PALM: variants seen among roughly 807,000 people sequenced by gnomAD.
The protein encoded by PALM is paralemmin, also known as paralemmin-1.
In PALM, 18 loss-of-function variants were observed where a neutral mutation model predicts 30.7. The observed-to-expected ratio is 0.59, with a 90% CI of 0.41 to 0.87. PALM has a LOEUF of 0.87. Ranked by LOEUF, PALM falls within the 40% of genes least tolerant of loss-of-function variation. The probability of loss-of-function intolerance (pLI) is 0.00; values close to 1 mark genes in which losing one functional copy is unlikely to be tolerated. For missense variants in PALM, 529 were observed against 555.4 expected, an observed-to-expected ratio of 0.95 and a Z score of 0.48; for synonymous variants, 286 against 242.8, an observed-to-expected ratio of 1.18 and a Z score of -1.66.
intron 1 of PALM, among the ~76,000 whole-genome samples, chr19:723,343 G>A (rs151043454): frequency 1.6e-4 from 24 of 152,086 alleles, no homozygotes. Flanking sequence ...TCTCTGGGAA[G>A]ATAAGATGTT....
intron 4 of PALM, among the ~76,000 whole-genome samples, chr19:728,706 G>A (rs1244758162): frequency 6.6e-6 from 1 of 152,090 alleles, no homozygotes; most frequent in Non-Finnish European, 1.5e-5. Context: ...CTACTCCGGA[G>A]GCTGAGGCAG....
chr19:727,535 C>T (rs780101885), intron 3 of PALM, 29 bp from the exon 4 acceptor site: 25 of 1,559,330 alleles, frequency 1.6e-5, no homozygotes, highest in Admixed American at 7.5e-5. Context: ...GTCCTGCCCA[C>T]GACTCTGACC....
intron 1 of PALM, among the ~76,000 whole-genome samples, chr19:721,932 T>TTTTTGAGAC (rs2032496212): frequency 6.7e-6 from 1 of 150,080 alleles, no homozygotes; most frequent in South Asian, 2.1e-4. Context: ...TAATATATAT[T>TTTTTGAGAC]TTTTGAGACG....
Position 742,547 on chromosome 19 carries a change from G to A in PALM, c.634+2064G>A, listed in dbSNP as rs532670395. On this transcript the variant is annotated intron_variant, in intron 8 of 8. Coordinates refer to ENST00000338448, the MANE Select transcript of PALM (RefSeq NM_002579.3). This position sits in a 1 kb window ranked among gnomAD's most constrained non-coding sequence, Gnocchi z 5.5. ...TTGAACCCAGGAGGCGGAGGTTGCA[G>A]TGAGCCGAGATCGCGCCACTGCTCT... 4.5e-4 allele frequency among the ~76,000 whole-genome samples: 69 copies of A among 152,092 alleles called. No homozygotes were observed. In the Middle Eastern group the frequency reaches 0.01, roughly 22 times the overall value.
At chr19:725,735 G>A (rs1417772474) in intron 1 of PALM, among the ~76,000 whole-genome samples, 1 of 152,118 alleles carries the variant, frequency 6.6e-6, no homozygotes. Context: ...TCCTGGGGCT[G>A]CAGAGTAGGT....
At position 711,163 on chromosome 19, in the gene PALM, T is replaced by C. The variant is rs2144838022; in HGVS notation, c.5+2012T>C. On this transcript the variant is annotated intron_variant, in intron 1 of 8. Coordinates refer to ENST00000338448, the MANE Select transcript of PALM (RefSeq NM_002579.3). ...GTTAATGTGAGGATTTAAGGAGAAC[T>C]AGCGGGTTGCTAACCACAGGGCCGA... is the stretch of plus-strand genomic sequence containing the variant. The C allele has an allele frequency of 4.1e-6, 4 of 980,084 alleles. No homozygotes were observed. The South Asian group carries it at 1.4e-4, about 35-fold the overall frequency. 60.7% of individuals were successfully genotyped at this position (980,084 alleles called of 1,614,324 possible). A position where few individuals can be genotyped will look rare whatever the true frequency, so the allele number is the denominator to read the frequency against.
intron 4 of PALM, among the ~76,000 whole-genome samples, chr19:730,299 A>T (rs2032830938): frequency 6.6e-6 from 1 of 151,834 alleles, no homozygotes; most frequent in Non-Finnish European, 1.5e-5. Context: ...AGACTTACGC[A>T]CTCAGCCCTC....
intron 6 of PALM, 67 bp from the exon 7 acceptor site, chr19:735,952 G>C (rs1489282493): frequency 2.2e-6 from 3 of 1,383,314 alleles, no homozygotes; most frequent in Non-Finnish European, 3.0e-6. Flanking sequence ...GCGTTGGGCT[G>C]TCTGGGGGGT....
At chr19:720,308 C>T (rs1406630539) in intron 1 of PALM, among the ~76,000 whole-genome samples, 2 of 150,956 alleles carry the variant, frequency 1.3e-5, no homozygotes, top group Admixed American at 6.6e-5. Context: ...CGGCGGCGCC[C>T]GGGTCTGGGG....
chr19:740,531 C>A, intron 8 of PALM, 48 bp downstream of exon 8: 1 of 1,511,902 alleles, frequency 6.6e-7, no homozygotes, highest in South Asian at 1.2e-5. Context: ...GCCAGAGCCC[C>A]GAACACGTGT....
intron 6 of PALM, chr19:734,857 CG>C (rs1188952882): frequency 6.2e-6 from 1 of 160,236 alleles, no homozygotes. Flanking sequence ...GGAACGTGTC[CG>C]CTTCTGTATC....
At chr19:723,892 G>C (rs1452744900) in intron 1 of PALM, among the ~76,000 whole-genome samples, 3 of 152,070 alleles carry the variant, frequency 2.0e-5, no homozygotes. Context: ...CACCGCGCCC[G>C]GCCTGCTTTT....
At chr19:735,994 C>G in intron 6 of PALM, 25 bp from the exon 7 acceptor site, 1 of 1,600,200 alleles carries the variant, frequency 6.2e-7, no homozygotes, top group Non-Finnish European at 8.5e-7. Flanking sequence ...CCTCATCTCT[C>G]TCTCCGCTTC....
At chr19:745,324 C>G (rs1010063759) in intron 8 of PALM, among the ~76,000 whole-genome samples, 3 of 152,230 alleles carry the variant, frequency 2.0e-5, no homozygotes, top group Non-Finnish European at 4.4e-5. Context: ...TTTGAACTTT[C>G]ATTTTTGCTA....
rs1372116073 is a variant in PALM, at chr19:709,919, G to GT, written c.5+768_5+769insT. Among the ~76,000 whole-genome samples, 3 of 152,156 alleles carry GT rather than the reference G, an allele frequency of 2.0e-5. No individual in the cohort carries two copies. Among genetic ancestry groups the GT allele is most frequent in the Non-Finnish European group, 2.9e-5 (2 of 67,996 alleles). On this transcript the variant is annotated intron_variant, in intron 1 of 8. Transcript: ENST00000338448. This position sits in a 1 kb window ranked among gnomAD's most constrained non-coding sequence, Gnocchi z 4.3. ...GGCTGCGCCTGTGTGTGTGGGGGGG[G>GT]GGTGGCCAGTGGAGGCACCGAGCGA...
Position 725,081 on chromosome 19 carries a change from C to T in PALM, c.6-1057C>T, listed in dbSNP as rs546080801. 3.3e-4 allele frequency among the ~76,000 whole-genome samples: 50 copies of T among 151,894 alleles called. No homozygotes were observed. In the South Asian group the frequency reaches 9.2e-3, roughly 28 times the overall value. Reference sequence around the variant, plus strand: ...AGCAATTCTCGTGCCTCAGCCTCCACGCCCAGCTAATTTTTGTATTTCTTG... The same window carrying T: ...AGCAATTCTCGTGCCTCAGCCTCCATGCCCAGCTAATTTTTGTATTTCTTG... On this transcript the variant is annotated intron_variant, in intron 1 of 8. Transcript: ENST00000338448.
intron 1 of PALM, among the ~76,000 whole-genome samples, chr19:723,464 G>A (rs905327701): frequency 2.6e-5 from 4 of 152,036 alleles, no homozygotes; most frequent in African/African-American, 4.8e-5. Flanking sequence ...GACACCCACC[G>A]CCAACCCCTA....
rs925846698 is a variant in PALM at position 709,916 on chromosome 19, G to C, written c.5+765G>C. On this transcript the variant is annotated intron_variant, in intron 1 of 8. Coordinates refer to ENST00000338448, the MANE Select transcript of PALM (RefSeq NM_002579.3). This position sits in a 1 kb window ranked among gnomAD's most constrained non-coding sequence, Gnocchi z 4.3. ...CATGGCTGCGCCTGTGTGTGTGGGG[G>C]GGGGGTGGCCAGTGGAGGCACCGAG... Among the ~76,000 whole-genome samples the C allele has an allele frequency of 1.3e-5, 2 of 152,166 alleles. No homozygotes were observed. The highest frequency in any genetic ancestry group is 1.3e-4 in the Admixed American group (2 of 15,286).
rs1309687409 is a variant in PALM, at chr19:742,732, C to T, written c.634+2249C>T. ...ATCGGCACTGTGGCCTGGGTCGGAG[C>T]CTGACTCCTTTTCATGGCTGAATAC... On this transcript the variant is annotated intron_variant, in intron 8 of 8. Coordinates refer to ENST00000338448, the MANE Select transcript of PALM (RefSeq NM_002579.3). The surrounding 1 kb of genome is among the most constrained non-coding windows in gnomAD (Gnocchi z 5.5). Among the ~76,000 whole-genome samples the T allele has an allele frequency of 2.0e-5, 3 of 152,144 alleles. No homozygotes were observed. Among genetic ancestry groups the T allele is most frequent in the East Asian group, 3.8e-4 (2 of 5,196 alleles).
Sources: allele counts gnomAD v4.1 joint callset (sites outside exome capture counted in the v4.1 genomes callset), GRCh38; gene constraint gnomAD v4.1.1; non-coding constraint Gnocchi (gnomAD v3.1); transcripts MANE v1.5; gene names NCBI Gene and HGNC (gene_info 2026-07-23, HGNC 2026-07-21).